TCEANC: variants seen among roughly 807,000 people sequenced by gnomAD.
TCEANC encodes the protein transcription elongation factor A N-terminal and central domain containing.
Under a neutral mutation model 8.7 loss-of-function variants are expected in TCEANC, and 8 were observed. The observed-to-expected ratio is 0.92, with a 90% CI of 0.54 to 1.65. TCEANC has a LOEUF of 1.65. TCEANC is among the 40% of genes most tolerant of loss of function. The pLI is 0.00. For synonymous variants in TCEANC, 78 were observed against 92.9 expected (o/e 0.84, Z 0.92); for missense variants, 255 against 251.9 (o/e 1.01, Z -0.08).
rs34205512 is a variant in TCEANC, at chrX:13,657,807, C to CAA, written c.-9+2453_-9+2454dup. 2.4e-3 allele frequency among the ~76,000 whole-genome samples: 165 copies of CAA among 68,566 alleles called. 1 individual carries two copies. Among genetic ancestry groups the CAA allele is most frequent in the African/African-American group, 7.4e-3 (132 of 17,789 alleles). 59.5% of individuals were successfully genotyped at this position (68,566 alleles called of 115,157 possible). A position where few individuals can be genotyped will look rare whatever the true frequency, so the allele number is the denominator to read the frequency against. On this transcript the variant is annotated intron_variant, in intron 1 of 1. Coordinates refer to ENST00000380600, the Ensembl canonical transcript of TCEANC. ...TGGGTGACAGAGCGAGACTCCATCT[C>CAA]AAAAAAAAAAAAAAAAAAAACACAC...
At chrX:13,661,169 A>G (rs183701971) in intron 1 of TCEANC, among the ~76,000 whole-genome samples, 47 bp downstream of exon 4, 1 of 111,495 alleles carries the variant, frequency 9.0e-6, no homozygotes, top group East Asian at 2.8e-4. Flanking sequence ...AGTCTTTTAT[A>G]TAGTTTTACA....
exon 2 of TCEANC, chrX:13,664,850 TA>T (rs1014068107): frequency 1.8e-4 from 22 of 123,567 alleles, no homozygotes; most frequent in African/African-American, 7.1e-4. Context: ...TTTTTTTCCT[TA>T]AAAAACTCAT....
rs1426160331 is a variant in TCEANC at position 13,659,651 on chromosome X, G to C, written c.-8-2850G>C. 2.1e-5 allele frequency: 2 copies of C among 93,621 alleles called. No homozygotes were observed. The highest frequency in any genetic ancestry group is 8.4e-5 in the African/African-American group (2 of 23,906). 7.7% of individuals were successfully genotyped at this position (93,621 alleles called of 1,213,427 possible). A position where few individuals can be genotyped will look rare whatever the true frequency, so the allele number is the denominator to read the frequency against. On this transcript the variant is annotated intron_variant, in intron 1 of 1. Transcript: ENST00000380600. The stretch of plus-strand genomic sequence containing the variant: ...CCCTTTTTTTTTTTTTTTTTTGACA[G>C]AGTCTCGCTCTGTCGCCAGGTTGGA...
intron 1 of TCEANC, among the ~76,000 whole-genome samples, chrX:13,656,052 T>G (rs1365960034): frequency 1.8e-5 from 2 of 112,691 alleles, no homozygotes; most frequent in African/African-American, 6.4e-5. Context: ...AGTGCCAGAC[T>G]CACAGTTGGG....
intron 1 of TCEANC, among the ~76,000 whole-genome samples, chrX:13,659,993 G>A (rs2045954924): frequency 8.9e-6 from 1 of 111,806 alleles, no homozygotes; most frequent in African/African-American, 3.3e-5. Context: ...GGGGAGGTGG[G>A]TAGAAGGTGA....
chrX:13,662,190 G>A (rs185925715), intron 1 of TCEANC, among the ~76,000 whole-genome samples: 6 of 111,730 alleles, frequency 5.4e-5, no homozygotes, highest in Non-Finnish European at 1.1e-4. Flanking sequence ...AATCTAGAAA[G>A]ATCATTGATT....
chrX:13,660,463 G>T (rs1006993382), intron 1 of TCEANC, among the ~76,000 whole-genome samples: 1 of 111,705 alleles, frequency 9.0e-6, no homozygotes, highest in African/African-American at 3.3e-5. Flanking sequence ...CTGCCCTTCT[G>T]CCCTACCCTA....
At chrX:13,655,817 T>G (rs930006650) in intron 1 of TCEANC, among the ~76,000 whole-genome samples, 2 of 112,629 alleles carry the variant, frequency 1.8e-5, no homozygotes. Context: ...CCACTAATGG[T>G]GAGAGATCAG....
chrX:13,661,465 C>T (rs753207594), intron 1 of TCEANC, among the ~76,000 whole-genome samples: 28 of 111,961 alleles, frequency 2.5e-4, no homozygotes, highest in Non-Finnish European at 4.5e-4. Flanking sequence ...GGGAAGACTG[C>T]GTGAATTCTC....
At chrX:13,653,759 C>A (rs1197873091), upstream of TCEANC, among the ~76,000 whole-genome samples, 3 of 111,973 alleles carry the variant, frequency 2.7e-5, no homozygotes, top group Non-Finnish European at 5.6e-5. Context: ...TTACAAACTT[C>A]TGGAAACATT....
At chrX:13,664,838 A>AT (rs1274220611) in exon 2 of TCEANC, 143 of 122,986 alleles carry the variant, frequency 1.2e-3, no homozygotes, top group Non-Finnish European at 2.2e-3. Context: ...ATTATGGCTG[A>AT]TTTTTTTTCC....
exon 2 of TCEANC, chrX:13,662,604 G>A (rs1192056574): frequency 8.3e-7 from 1 of 1,211,709 alleles, no homozygotes; most frequent in Non-Finnish European, 1.1e-6. Flanking sequence ...ACCTTACTGA[G>A]CTAGAAACAA....
At chrX:13,663,305 T>G (rs2045985708) in exon 2 of TCEANC, 1 of 1,197,688 alleles carries the variant, frequency 8.3e-7, no homozygotes, top group Non-Finnish European at 1.1e-6. Context: ...AATAAGGAAC[T>G]GAAGCAGTTG....
chrX:13,659,628 C>CT (rs148168000), intron 1 of TCEANC, 24 bp from the exon 3 acceptor site: 2,766 of 83,961 alleles, frequency 0.033, 61 homozygotes, highest in African/African-American at 0.052. Context: ...GTGTTAAGCC[C>CT]TTTTTTTTTT....
rs1270834795 is a variant in TCEANC, at chrX:13,663,173, C to G, written c.665C>G (p.Thr222Ser). The G allele has an allele frequency of 8.3e-7, 1 of 1,206,604 alleles. No homozygotes were observed. The stretch of plus-strand genomic sequence containing the variant: ...TCAAAGAACATCAAAAAATATAAAA[C>G]TTGCATCAGAAGCAAAGTTGCCAAT... Residue 222 changes from threonine (T) to serine (S), a missense_variant, in exon 2 of 2, where the codon ACT becomes AGT. Coordinates refer to ENST00000380600, the Ensembl canonical transcript of TCEANC.
exon 2 of TCEANC, chrX:13,664,597 ATG>A (rs756786467): frequency 1.1e-3 from 130 of 121,684 alleles, no homozygotes; most frequent in Middle Eastern, 4.6e-3. Flanking sequence ...AAACTCTAGG[ATG>A]TTTAGTTTCT....
rs746221778 is a variant in TCEANC at position 13,661,889 on chromosome X, A to T, written c.-8-612A>T. ...GAAGACTCCTAAGGCAGCACAGTGTAGCCTGTTGGCTTTTGGGACCCGCAG... is the reference window on the plus strand; with the variant it reads ...GAAGACTCCTAAGGCAGCACAGTGTTGCCTGTTGGCTTTTGGGACCCGCAG... On this transcript the variant is annotated intron_variant, in intron 1 of 1. Transcript: ENST00000380600. Among the ~76,000 whole-genome samples, 4 of 112,454 alleles carry T rather than the reference A, an allele frequency of 3.6e-5. No individual in the cohort carries two copies. In the Admixed American group the frequency reaches 3.8e-4, roughly 11 times the overall value.
chrX:13,658,046 CA>C (rs981991811), intron 1 of TCEANC, among the ~76,000 whole-genome samples: 9 of 111,878 alleles, frequency 8.0e-5, no homozygotes, highest in Non-Finnish European at 1.3e-4. Context: ...AAGCCAGATA[CA>C]AAAGACCACA....
rs2146730619 is a variant in TCEANC, at chrX:13,663,656, T to C, written c.*92T>C. ...CTTTTAAAAATCTTATACACACTAC[T>C]CTCTAAAACAGAAAAAGGAGGAAAG... On this transcript the variant is annotated 3_prime_UTR_variant, in exon 2 of 2. Transcript: ENST00000380600. The C allele has an allele frequency of 2.4e-6, 2 of 822,232 alleles. 1 individual carries two copies. Among genetic ancestry groups the C allele is most frequent in the African/African-American group, 4.2e-5 (2 of 47,348 alleles). 67.8% of individuals were successfully genotyped at this position (822,232 alleles called of 1,213,427 possible).
Sources: gnomAD v4.1 joint callset for allele counts (sites outside exome capture counted in the v4.1 genomes callset) on GRCh38, gnomAD v4.1.1 for gene constraint, MANE v1.5 for transcripts, NCBI Gene and HGNC (gene_info 2026-07-23, HGNC 2026-07-21) for gene names.